NCOA2: variants seen among roughly 807,000 people sequenced by gnomAD.
NCOA2 encodes the protein nuclear receptor coactivator 2.
In NCOA2, 21 loss-of-function variants were observed where a neutral mutation model predicts 145.1. The observed-to-expected ratio is 0.14, with a 90% CI of 0.10 to 0.21. The LOEUF is 0.21. Among genes scored for constraint, NCOA2 ranks in the 10% least tolerant of loss-of-function variants. NCOA2 has a pLI of 1.00. For synonymous variants in NCOA2, 619 were observed against 637.5 expected, an observed-to-expected ratio of 0.97 and a Z score of 0.44; for missense variants, 1,472 against 1,837.6, an observed-to-expected ratio of 0.80 and a Z score of 3.64.
At chr8:70,279,626 C>T (rs1176419258) in intron 2 of NCOA2, among the ~76,000 whole-genome samples, 1 of 152,204 alleles carries the variant, frequency 6.6e-6, no homozygotes, top group Non-Finnish European at 1.5e-5. Flanking sequence ...CTAGAGTGAC[C>T]AGGACTAGCC....
chr8:70,275,768 T>C lies in NCOA2; in HGVS notation c.-20+20976A>G, dbSNP rs79581909. Among the ~76,000 whole-genome samples, 7 of 152,298 alleles carry C rather than the reference T, an allele frequency of 4.6e-5. No individual in the cohort carries two copies. In the East Asian group the frequency reaches 1.3e-3, roughly 29 times the overall value. ...CTAATTGGCAGTTCTTCTAGAGAAC[T>C]AGGATGGAACAGATGCAACCAACAG... On this transcript the variant is annotated intron_variant, in intron 2 of 22. Transcript: ENST00000452400.
At chr8:70,391,683 T>C (rs1430213408) in intron 1 of NCOA2, among the ~76,000 whole-genome samples, 1 of 152,234 alleles carries the variant, frequency 6.6e-6, no homozygotes, top group African/African-American at 2.4e-5. Flanking sequence ...ACAACTGGCT[T>C]AGACTCTAAA....
rs535523166 is a variant in NCOA2, at chr8:70,341,531, A to G, written c.-76-44731T>C. 2.2e-4 allele frequency among the ~76,000 whole-genome samples: 34 copies of G among 152,364 alleles called. No individual in the cohort carries two copies. In the South Asian group the frequency reaches 7.0e-3, roughly 32 times the overall value. Reference sequence around the variant, plus strand: ...TCAATATACACATACATAGCCACACAGTTTAATTGTCCATAACTAAAGTTG... The same window carrying G: ...TCAATATACACATACATAGCCACACGGTTTAATTGTCCATAACTAAAGTTG... On this transcript the variant is annotated intron_variant, in intron 1 of 22. Coordinates refer to ENST00000452400, the MANE Select transcript of NCOA2 (RefSeq NM_006540.4).
At chr8:70,295,269 A>G (rs1379453719) in intron 2 of NCOA2, among the ~76,000 whole-genome samples, 2 of 152,208 alleles carry the variant, frequency 1.3e-5, no homozygotes, top group African/African-American at 4.8e-5. Context: ...GAAACAAAAA[A>G]CGAAATAAGT....
At chr8:70,213,213 T>C (rs1469433196) in intron 4 of NCOA2, among the ~76,000 whole-genome samples, 1 of 152,118 alleles carries the variant, frequency 6.6e-6, no homozygotes, top group Non-Finnish European at 1.5e-5. Flanking sequence ...CAAAACGTTG[T>C]TCATACATGC....
At chr8:70,311,122 T>G (rs1430585533) in intron 1 of NCOA2, among the ~76,000 whole-genome samples, 1 of 152,006 alleles carries the variant, frequency 6.6e-6, no homozygotes, top group African/African-American at 2.4e-5. Context: ...ATTTCCTAGT[T>G]TTTTTTTAAG....
chr8:70,408,752 C>G (rs1012568666), upstream of NCOA2, among the ~76,000 whole-genome samples: 1 of 149,976 alleles, frequency 6.7e-6, no homozygotes, highest in Non-Finnish European at 1.5e-5. Context: ...GTCAGGAATA[C>G]AGGTGTGTGC....
At chr8:70,192,054 T>C (rs1800093253) in intron 4 of NCOA2, among the ~76,000 whole-genome samples, 1 of 151,810 alleles carries the variant, frequency 6.6e-6, no homozygotes, top group South Asian at 2.1e-4. Flanking sequence ...AAAACAAAAA[T>C]AAAAATAAAA....
At chr8:70,238,646 T>G (rs1441565623) in intron 2 of NCOA2, among the ~76,000 whole-genome samples, 2 of 152,210 alleles carry the variant, frequency 1.3e-5, no homozygotes, top group Non-Finnish European at 2.9e-5. Flanking sequence ...CATGTCATCC[T>G]CAAAGTCTGT....
intron 1 of NCOA2, among the ~76,000 whole-genome samples, chr8:70,344,196 G>A (rs74867370): frequency 0.014 from 2,189 of 152,302 alleles, 30 homozygotes; most frequent in East Asian, 0.062. Context: ...GGAATCCATC[G>A]ACTCTCTACC....
intron 1 of NCOA2, among the ~76,000 whole-genome samples, chr8:70,335,155 A>AAAAAAAAAAAAAAAAAAAAAAAAAT (rs774576238): frequency 3.5e-5 from 4 of 115,384 alleles, no homozygotes; most frequent in Admixed American, 8.5e-5. Flanking sequence ...AAAAAAAAAG[A>AAAAAAAAAAAAAAAAAAAAAAAAAT]TCTCTCCCTA....
chr8:70,311,280 G>A (rs1266512593), intron 1 of NCOA2, among the ~76,000 whole-genome samples: 1 of 152,136 alleles, frequency 6.6e-6, no homozygotes, highest in Non-Finnish European at 1.5e-5. Context: ...TAGGGTGGGG[G>A]AAAGTGGTAA....
At chr8:70,241,115 C>T (rs949229231) in intron 2 of NCOA2, among the ~76,000 whole-genome samples, 16 of 152,078 alleles carry the variant, frequency 1.1e-4, no homozygotes, top group Non-Finnish European at 2.1e-4. Flanking sequence ...TATCTGTAAA[C>T]AAGGATCTTT....
chr8:70,421,722 A>G, the NCOA2 span, among the ~76,000 whole-genome samples: 6 of 152,004 alleles, frequency 3.9e-5, no homozygotes, highest in African/African-American at 1.5e-4. Context: ...CTACTTTGCT[A>G]TTTAGATGCA....
chr8:70,413,060 T>C, the NCOA2 span, among the ~76,000 whole-genome samples: 1 of 146,336 alleles, frequency 6.8e-6, no homozygotes, highest in Non-Finnish European at 1.5e-5. Flanking sequence ...ATGGTGCCAC[T>C]GTGCTCCAGC....
chr8:70,130,048 C>G (rs970864522), intron 16 of NCOA2, among the ~76,000 whole-genome samples: 1 of 152,182 alleles, frequency 6.6e-6, no homozygotes, highest in Admixed American at 6.5e-5. Flanking sequence ...CCGCCCAGAG[C>G]CCTGAGCTCT....
chr8:70,403,646 G>C, intron 1 of NCOA2, 54 bp downstream of exon 1: 2 of 355,584 alleles, frequency 5.6e-6, no homozygotes, highest in Non-Finnish European at 1.0e-5. Context: ...GGCGCCCCCC[G>C]CCTGCCGCCC....
Position 70,264,552 on chromosome 8 carries a change from C to T in NCOA2, c.-20+32192G>A, listed in dbSNP as rs369181481. Among the ~76,000 whole-genome samples the T allele has an allele frequency of 3.9e-5, 6 of 152,098 alleles. No homozygotes were observed. In the East Asian group the frequency reaches 1.2e-3, roughly 29 times the overall value. On this transcript the variant is annotated intron_variant, in intron 2 of 22. Transcript: ENST00000452400. ...CAAATGTCAACCTATATACTTCAGGCTCCAATGTAAATTGGAATAAATTGA... is the reference window on the plus strand; with the variant it reads ...CAAATGTCAACCTATATACTTCAGGTTCCAATGTAAATTGGAATAAATTGA...
At chr8:70,446,493 C>T in the NCOA2 span, among the ~76,000 whole-genome samples, 1 of 152,174 alleles carries the variant, frequency 6.6e-6, no homozygotes, top group Non-Finnish European at 1.5e-5. Flanking sequence ...GACTGTGGCA[C>T]TTACTGTATA....
Sources: allele counts gnomAD v4.1 joint callset (sites outside exome capture counted in the v4.1 genomes callset), GRCh38; gene constraint gnomAD v4.1.1; transcripts MANE v1.5; gene names NCBI Gene and HGNC (gene_info 2026-07-23, HGNC 2026-07-21).